Variants in RASSF2 observed in about 807,000 individuals in gnomAD.
RASSF2 encodes Ras association domain family member 2.
In RASSF2, 34 loss-of-function variants were observed where a neutral mutation model predicts 46.3. The observed-to-expected ratio is 0.73, with a 90% CI of 0.56 to 0.98. The LOEUF (loss-of-function observed/expected upper bound fraction) is 0.98, where lower values mean the gene tolerates loss of function less well. Among genes scored for constraint, RASSF2 ranks in the 50% least tolerant of loss-of-function variants. RASSF2 has a pLI of 0.00. For missense variants in RASSF2, 364 were observed against 431.2 expected (o/e 0.84, Z 1.38); for synonymous variants, 158 against 162.5 (o/e 0.97, Z 0.21).
rs772846465 is a variant in RASSF2, at chr20:4,792,629, T to G, written c.288-2A>C. 6.2e-7 allele frequency: 1 copy of G among 1,612,774 alleles called. No homozygotes were observed. The highest frequency in any genetic ancestry group is 1.3e-5 in the African/African-American group (1 of 74,682). On this transcript the variant is annotated splice_acceptor_variant, in intron 5 of 11. Transcript: ENST00000379400. LOFTEE classifies it high-confidence loss of function. ...ACAGTCAGGGGCTTCAGAGTGGTTC[T>G]GGGAGTGGAGAAGACAAAGGGGAGG...
intron 2 of RASSF2, among the ~76,000 whole-genome samples, chr20:4,819,264 G>T (rs1234241025): frequency 6.6e-6 from 1 of 152,110 alleles, no homozygotes; most frequent in Non-Finnish European, 1.5e-5. Flanking sequence ...CGCCCAGCCT[G>T]AAACTGAGAC....
chr20:4,780,802 T>TA lies in RASSF2; in HGVS notation c.*3470dup, dbSNP rs1924735042. ...CAAGATGGTGAAACCCCACCTCTAC[T>TA]AAAACCACACAAAAAAATTAGCCGG... is the stretch of plus-strand genomic sequence containing the variant. On this transcript the variant is annotated 3_prime_UTR_variant, in exon 12 of 12. Transcript: ENST00000379400. The TA allele has an allele frequency of 6.6e-6, 1 of 152,138 alleles. No individual in the cohort carries two copies. The allele number at this position is 152,138 out of a possible 1,614,324, so 9.4% of individuals were successfully genotyped here.
At chr20:4,800,202 C>T (rs1453283038) in intron 3 of RASSF2, among the ~76,000 whole-genome samples, 21 of 152,108 alleles carry the variant, frequency 1.4e-4, no homozygotes. Context: ...TAGCAAAAAG[C>T]CTGAGCTCAA....
intron 10 of RASSF2, 63 bp from the exon 11 acceptor site, chr20:4,786,391 G>A (rs1925343315): frequency 7.4e-7 from 1 of 1,355,778 alleles, no homozygotes; most frequent in African/African-American, 1.4e-5. Flanking sequence ...TTCCTTTCAG[G>A]GTTGTCCTTA....
At chr20:4,797,729 C>T (rs997986146) in intron 4 of RASSF2, among the ~76,000 whole-genome samples, 1 of 152,160 alleles carries the variant, frequency 6.6e-6, no homozygotes, top group Non-Finnish European at 1.5e-5. Context: ...AAGGTCATTT[C>T]ATGAAAGCTC....
chr20:4,794,194 G>A (rs1391408227), intron 5 of RASSF2, among the ~76,000 whole-genome samples: 1 of 152,166 alleles, frequency 6.6e-6, no homozygotes, highest in African/African-American at 2.4e-5. Context: ...GGAAGTCAAG[G>A]TGGGAGGATT....
At chr20:4,817,402 T>A (rs1172078580) in intron 2 of RASSF2, among the ~76,000 whole-genome samples, 1 of 152,038 alleles carries the variant, frequency 6.6e-6, no homozygotes, top group Non-Finnish European at 1.5e-5. Context: ...GCATTAAGAG[T>A]AAAATTACAC....
chr20:4,790,634 A>T lies in RASSF2; in HGVS notation c.377-23T>A, dbSNP rs1925797856. 1 of 1,511,374 alleles carries T rather than the reference A, an allele frequency of 6.6e-7. No individual in the cohort carries two copies. The highest frequency in any genetic ancestry group is 1.5e-5 in the African/African-American group (1 of 68,188). The allele number at this position is 1,511,374 out of a possible 1,614,324, so 93.6% of individuals were successfully genotyped here. A position where few individuals can be genotyped will look rare whatever the true frequency, so the allele number is the denominator to read the frequency against. ...AGTCTGAGAGAGGAGAGGGAAATGAACTCTGTCTGTCTGGACCTGGGACAT... is the reference window on the plus strand; with the variant it reads ...AGTCTGAGAGAGGAGAGGGAAATGATCTCTGTCTGTCTGGACCTGGGACAT... On this transcript the variant is annotated intron_variant, in intron 6 of 11. Transcript: ENST00000379400. The surrounding 1 kb of genome is among the most constrained non-coding windows in gnomAD (Gnocchi z 4.3).
At chr20:4,822,252 G>C (rs1928739493) in intron 2 of RASSF2, 77 bp downstream of exon 2, 1 of 152,254 alleles carries the variant, frequency 6.6e-6, no homozygotes, top group Non-Finnish European at 1.5e-5. Flanking sequence ...GGCAGGAACT[G>C]GGTCCCCCTC....
Position 4,810,588 on chromosome 20 carries a change from G to A in RASSF2, c.-32-9526C>T, listed in dbSNP as rs936866736. On this transcript the variant is annotated intron_variant, in intron 2 of 11. Coordinates refer to ENST00000379400, the MANE Select transcript of RASSF2 (RefSeq NM_014737.3). ...CCAGCCTGGAGACCCAGCACCTCTC[G>A]TCTTATTTATGAATTGGGAAGTCCT... is the stretch of plus-strand genomic sequence containing the variant. 7.0e-4 allele frequency among the ~76,000 whole-genome samples: 107 copies of A among 152,188 alleles called. 1 individual carries two copies. The highest frequency in any genetic ancestry group is 2.5e-4 in the Non-Finnish European group (17 of 68,048).
intron 9 of RASSF2, 97 bp downstream of exon 9, chr20:4,788,120 A>G: frequency 8.1e-7 from 1 of 1,233,316 alleles, no homozygotes; most frequent in East Asian, 2.3e-5. Flanking sequence ...AAGTTTCCAA[A>G]ACTCAAACAA....
intron 2 of RASSF2, among the ~76,000 whole-genome samples, chr20:4,815,984 T>C (rs2423040): frequency 0.19 from 29,150 of 152,232 alleles, 2,939 homozygotes; most frequent in South Asian, 0.28. Flanking sequence ...ATTGCAGAAG[T>C]AAAATAAACA....
chr20:4,792,433 C>A (rs549323739), intron 6 of RASSF2, 106 bp downstream of exon 6: 3 of 1,547,204 alleles, frequency 1.9e-6, no homozygotes, highest in Admixed American at 3.9e-5. Flanking sequence ...TATCTTGAAC[C>A]ATATACATTT....
rs1221487565 is a variant in RASSF2 at position 4,781,602 on chromosome 20, G to A, written c.*2671C>T. The A allele has an allele frequency of 6.6e-6, 1 of 152,206 alleles. No individual in the cohort carries two copies. Among genetic ancestry groups the A allele is most frequent in the African/African-American group, 2.4e-5 (1 of 41,432 alleles). The allele number at this position is 152,206 out of a possible 1,614,324, so 9.4% of individuals were successfully genotyped here. A position where few individuals can be genotyped will look rare whatever the true frequency, so the allele number is the denominator to read the frequency against. On this transcript the variant is annotated 3_prime_UTR_variant, in exon 12 of 12. Coordinates refer to ENST00000379400, the MANE Select transcript of RASSF2 (RefSeq NM_014737.3). The stretch of plus-strand genomic sequence containing the variant: ...TCCCTCTCATGTGATCACAGAGAAT[G>A]TGACCTTGTGCTTAATTCCACCATC...
At chr20:4,787,791 C>T (rs773352146) in intron 9 of RASSF2, 37 bp from the exon 10 acceptor site, 7 of 1,612,170 alleles carry the variant, frequency 4.3e-6, no homozygotes, top group Non-Finnish European at 5.1e-6. Context: ...CCCTGAGAGG[C>T]CTTTCTCACA....
At chr20:4,797,664 G>A (rs1320435282) in intron 4 of RASSF2, among the ~76,000 whole-genome samples, 1 of 152,162 alleles carries the variant, frequency 6.6e-6, no homozygotes, top group Non-Finnish European at 1.5e-5. Flanking sequence ...ACAGAGGACT[G>A]GGTGGGGTTC....
intron 2 of RASSF2, among the ~76,000 whole-genome samples, chr20:4,802,597 A>G (rs1379650880): frequency 6.6e-6 from 1 of 152,190 alleles, no homozygotes; most frequent in Non-Finnish European, 1.5e-5. Flanking sequence ...TTCCACTTTT[A>G]TGAGGTACCT....
intron 8 of RASSF2, 132 bp from the exon 9 acceptor site, chr20:4,788,400 C>T: frequency 1.3e-6 from 1 of 771,204 alleles, no homozygotes; most frequent in Non-Finnish European, 2.2e-6. Flanking sequence ...TATTTATCTA[C>T]AACTCTCAGA....
rs1924723664 is a variant in RASSF2, at chr20:4,780,707, C to T, written c.*3566G>A. On this transcript the variant is annotated 3_prime_UTR_variant, in exon 12 of 12. Coordinates refer to ENST00000379400, the MANE Select transcript of RASSF2 (RefSeq NM_014737.3). ...TTTGGCTGGGCACAGTGGCTCACGC[C>T]TGTAATCCCAACACTTTGGGAGGCC... The T allele has an allele frequency of 6.6e-6, 1 of 152,258 alleles. No homozygotes were observed. Among genetic ancestry groups the T allele is most frequent in the Non-Finnish European group, 1.5e-5 (1 of 68,098 alleles). 9.4% of individuals were successfully genotyped at this position (152,258 alleles called of 1,614,324 possible).
Sources: gnomAD v4.1 joint callset for allele counts (sites outside exome capture counted in the v4.1 genomes callset) on GRCh38, gnomAD v4.1.1 for gene constraint, Gnocchi (gnomAD v3.1) non-coding constraint, MANE v1.5 for transcripts, NCBI Gene and HGNC (gene_info 2026-07-23, HGNC 2026-07-21) for gene names.